NXPE2: variants seen among roughly 807,000 people sequenced by gnomAD.
NXPE2 encodes the protein neurexophilin and PC-esterase domain family member 2, also known as NXPE family member 2.
A neutral mutation model predicts 34.4 loss-of-function variants in NXPE2; 34 were observed. That is an observed-to-expected ratio of 0.99 (90% CI 0.75 to 1.31). The LOEUF is 1.31. Ranked by LOEUF, NXPE2 falls within the 40% of genes most tolerant of loss-of-function variation. NXPE2 has a pLI of 0.00. For synonymous variants in NXPE2, 235 were observed against 231.3 expected (o/e 1.02, Z -0.15); for missense variants, 649 against 672.5 (o/e 0.97, Z 0.39).
chr11:114,552,281 T>C, the NXPE2 span, among the ~76,000 whole-genome samples: 25 of 152,266 alleles, frequency 1.6e-4, no homozygotes, highest in Non-Finnish European at 3.2e-4. Context: ...AGGTGTTGAG[T>C]GTTGAGACCA....
intron 2 of NXPE2, among the ~76,000 whole-genome samples, chr11:114,680,688 T>C (rs914178705): frequency 5.9e-5 from 9 of 152,138 alleles, no homozygotes; most frequent in Non-Finnish European, 1.2e-4. Context: ...AAATGCAGAT[T>C]CCTGAGCCAT....
At chr11:114,772,237 G>A in the NXPE2 span, among the ~76,000 whole-genome samples, 3 of 152,078 alleles carry the variant, frequency 2.0e-5, no homozygotes, top group Non-Finnish European at 4.4e-5. Context: ...AAGGGAAGTT[G>A]GGAATGGAGA....
chr11:114,637,166 A>G, the NXPE2 span, among the ~76,000 whole-genome samples: 2 of 151,830 alleles, frequency 1.3e-5, no homozygotes, highest in African/African-American at 4.8e-5. Flanking sequence ...GTCCATATAT[A>G]TTTAGGATAG....
At chr11:114,807,277 C>T in the NXPE2 span, among the ~76,000 whole-genome samples, 1 of 152,108 alleles carries the variant, frequency 6.6e-6, no homozygotes, top group South Asian at 2.1e-4. Flanking sequence ...GAAGAAACTG[C>T]ATCAACTAAC....
chr11:114,674,637 A>G (rs138162494), upstream of NXPE2, among the ~76,000 whole-genome samples: 137 of 151,960 alleles, frequency 9.0e-4, no homozygotes, highest in African/African-American at 3.1e-3. Context: ...CAAAGTAACT[A>G]CAAAGCAGTT....
At chr11:114,489,572 T>G in the NXPE2 span, among the ~76,000 whole-genome samples, 5 of 151,890 alleles carry the variant, frequency 3.3e-5, no homozygotes, top group Admixed American at 6.5e-5. Context: ...TCAATAAACG[T>G]AATCCAGCAT....
At chr11:114,668,304 C>T in the NXPE2 span, among the ~76,000 whole-genome samples, 3 of 151,868 alleles carry the variant, frequency 2.0e-5, no homozygotes, top group Non-Finnish European at 4.4e-5. Context: ...TTGTCTGCTT[C>T]CTATTTCTGC....
chr11:114,606,006 C>T, the NXPE2 span, among the ~76,000 whole-genome samples: 4 of 151,760 alleles, frequency 2.6e-5, no homozygotes, highest in African/African-American at 9.7e-5. Context: ...TAAGTATTGC[C>T]TCATGGGTAA....
the NXPE2 span, among the ~76,000 whole-genome samples, chr11:114,730,704 T>TGTATATTCAAC: frequency 1.3e-5 from 2 of 152,304 alleles, no homozygotes; most frequent in South Asian, 4.1e-4. Context: ...GCTTGAATGT[T>TGTATATTCAAC]ATTGGTGTAT....
At chr11:114,511,658 G>T in the NXPE2 span, among the ~76,000 whole-genome samples, 1 of 152,224 alleles carries the variant, frequency 6.6e-6, no homozygotes, top group Non-Finnish European at 1.5e-5. Flanking sequence ...CAAATCTCAT[G>T]TTGAAATGTG....
the NXPE2 span, among the ~76,000 whole-genome samples, chr11:114,761,799 C>T: frequency 6.6e-6 from 1 of 151,812 alleles, no homozygotes; most frequent in Non-Finnish European, 1.5e-5. Context: ...TGGTCTCGAT[C>T]TCCTGACCTC....
At chr11:114,541,407 G>T in the NXPE2 span, among the ~76,000 whole-genome samples, 457 of 152,292 alleles carry the variant, frequency 3.0e-3, 1 homozygote, top group African/African-American at 0.01. Flanking sequence ...GGAAAGATAA[G>T]AAATCTCAGC....
At chr11:114,657,974 C>G in the NXPE2 span, among the ~76,000 whole-genome samples, 24,787 of 152,104 alleles carry the variant, frequency 0.16, 2,510 homozygotes, top group East Asian at 0.38. Flanking sequence ...TTTATTGAAC[C>G]AACTAACTTA....
chr11:114,623,110 A>C, the NXPE2 span, among the ~76,000 whole-genome samples: 4 of 152,152 alleles, frequency 2.6e-5, no homozygotes, highest in Non-Finnish European at 5.9e-5. Flanking sequence ...CTGGCGGATA[A>C]GCACTGTTAC....
At chr11:114,679,281 T>A (rs1190564122) in intron 1 of NXPE2, among the ~76,000 whole-genome samples, 3 of 131,206 alleles carry the variant, frequency 2.3e-5, no homozygotes, top group African/African-American at 8.9e-5. Context: ...AGAGAGAGAT[T>A]TAGAGACCAG....
chr11:114,521,733 T>C, the NXPE2 span: 1 of 438,548 alleles, frequency 2.3e-6, no homozygotes, highest in African/African-American at 2.0e-5. Flanking sequence ...AAAAAACTTT[T>C]TTAATATTTT....
the NXPE2 span, chr11:114,530,623 C>T: frequency 1.9e-6 from 3 of 1,614,136 alleles, no homozygotes; most frequent in South Asian, 1.1e-5. Context: ...TTCCTCTGTC[C>T]CAAGTGGTCC....
At chr11:114,746,676 C>A in the NXPE2 span, among the ~76,000 whole-genome samples, 1 of 152,040 alleles carries the variant, frequency 6.6e-6, no homozygotes, top group Non-Finnish European at 1.5e-5. Context: ...ACGGTGAAAC[C>A]CTGTCTCTAC....
the NXPE2 span, among the ~76,000 whole-genome samples, chr11:114,477,306 T>C: frequency 1.3e-5 from 2 of 152,164 alleles, no homozygotes; most frequent in African/African-American, 2.4e-5. Context: ...ATGGTGACTA[T>C]AGTTAATAAT....
Sources: allele counts gnomAD v4.1 joint callset (sites outside exome capture counted in the v4.1 genomes callset), GRCh38; gene constraint gnomAD v4.1.1; transcripts MANE v1.5; gene names NCBI Gene and HGNC (gene_info 2026-07-23, HGNC 2026-07-21).